SETD6: variants seen among roughly 807,000 people sequenced by gnomAD.
SETD6 encodes the protein SET domain containing 6, protein lysine methyltransferase.
SETD6 carries 67 observed loss-of-function variants against 52.7 expected under a neutral mutation model. The ratio of observed to expected loss-of-function variants is 1.27; its 90% CI spans 1.04 to 1.56. SETD6 has a LOEUF of 1.56. Among genes scored for constraint, SETD6 ranks in the 40% most tolerant of loss-of-function variants. The probability of loss-of-function intolerance (pLI) is 0.00; values close to 1 mark genes in which losing one functional copy is unlikely to be tolerated. For synonymous variants in SETD6, 307 were observed against 250.2 expected (o/e 1.23, Z -2.14); for missense variants, 712 against 607.5 (o/e 1.17, Z -1.81).
chr16:58,518,300 CT>C, intron 6 of SETD6, 69 bp downstream of exon 6: 3 of 1,603,958 alleles, frequency 1.9e-6, no homozygotes, highest in Non-Finnish European at 1.7e-6. Flanking sequence ...GGTTAAATAG[CT>C]TTGCTAAATA....
rs2039317285 is a variant in SETD6, at chr16:58,520,198, C to T, written c.*1169C>T. The T allele has an allele frequency of 6.6e-6, 1 of 151,930 alleles. No individual in the cohort carries two copies. The highest frequency in any genetic ancestry group is 2.4e-5 in the African/African-American group (1 of 41,304). 9.4% of individuals were successfully genotyped at this position (151,930 alleles called of 1,614,324 possible). Reference sequence around the variant, plus strand: ...TAATTAATGAGATTTGGTTCCCTTTCCTATATTCCCACTGTTTTTAAGTTT... The same window carrying T: ...TAATTAATGAGATTTGGTTCCCTTTTCTATATTCCCACTGTTTTTAAGTTT... On this transcript the variant is annotated 3_prime_UTR_variant, in exon 8 of 8. Coordinates refer to ENST00000219315, the MANE Select transcript of SETD6 (RefSeq NM_001160305.4).
chr16:58,518,024 G>T, intron 5 of SETD6, 27 bp from the exon 6 acceptor site: 1 of 1,613,958 alleles, frequency 6.2e-7, no homozygotes, highest in Non-Finnish European at 8.5e-7. Context: ...TGAAAGGCAT[G>T]GCCCCAGCTT....
Position 58,523,623 on chromosome 16 carries a change from C to A in SETD6, c.*4594C>A. 1 of 878,154 alleles carries A rather than the reference C, an allele frequency of 1.1e-6. No homozygotes were observed. The highest frequency in any genetic ancestry group is 2.2e-5 in the South Asian group (1 of 46,008). 54.4% of individuals were successfully genotyped at this position (878,154 alleles called of 1,614,324 possible). On this transcript the variant is annotated 3_prime_UTR_variant, in exon 8 of 8. Coordinates refer to ENST00000219315, the MANE Select transcript of SETD6 (RefSeq NM_001160305.4). ...TTTCAAATTAATCTTTGGTTTAAAG[C>A]AGTGGTTCTTGGGACCCCAAAGAGT...
rs1161241138 is a variant in SETD6 at position 58,521,139 on chromosome 16, C to G, written c.*2110C>G. On this transcript the variant is annotated 3_prime_UTR_variant, in exon 8 of 8. Transcript: ENST00000219315. ...AACCTAGAGACAGATGGTTTTCAGT[C>G]TCCAGTCTCATTCCTAGACAATTAA... 6.2e-7 allele frequency: 1 copy of G among 1,613,284 alleles called. No individual in the cohort carries two copies. Among genetic ancestry groups the G allele is most frequent in the Admixed American group, 1.7e-5 (1 of 59,904 alleles).
Position 58,520,142 on chromosome 16 carries a change from T to G in SETD6, c.*1113T>G, listed in dbSNP as rs1230113325. 6.6e-6 allele frequency: 1 copy of G among 152,202 alleles called. No individual in the cohort carries two copies. The highest frequency in any genetic ancestry group is 1.5e-5 in the Non-Finnish European group (1 of 68,038). 9.4% of individuals were successfully genotyped at this position (152,202 alleles called of 1,614,324 possible). The stretch of plus-strand genomic sequence containing the variant: ...TTATTCAGCTTAGCCTGTATGGCCA[T>G]TCATTCAGTGGGGTAATGGGGGAGA... On this transcript the variant is annotated 3_prime_UTR_variant, in exon 8 of 8. Transcript: ENST00000219315.
At position 58,516,278 on chromosome 16, in the gene SETD6, C is replaced by T. The variant is rs2039146265; in HGVS notation, c.411C>T (p.Ala137=). 1 of 1,603,334 alleles carries T rather than the reference C, an allele frequency of 6.2e-7. No homozygotes were observed. The highest frequency in any genetic ancestry group is 8.5e-7 in the Non-Finnish European group (1 of 1,179,838). ...LALLHELQAP[A]SRWRPYFALW... ...TGCTCCACGAGCTGCAGGCCCCGGC[C>T]TCACGCTGGAGGCCCTACTTTGCGC... The change falls in exon 3 of 8, where the codon GCC becomes GCT. Residue 137 remains alanine (A), a synonymous_variant. Transcript: ENST00000219315.
chr16:58,516,714 C>T (rs767521086), intron 4 of SETD6, 42 bp downstream of exon 4: 3 of 1,609,388 alleles, frequency 1.9e-6, no homozygotes, highest in Non-Finnish European at 2.5e-6. Context: ...CTTTTCTTTA[C>T]AACTCTATAG....
chr16:58,518,348 AGAAAT>A, intron 6 of SETD6, 48 bp from the exon 7 acceptor site: 1 of 1,588,646 alleles, frequency 6.3e-7, no homozygotes, highest in Non-Finnish European at 8.6e-7. Context: ...AGACTAAAGA[AGAAAT>A]GAACCCTTGG....
At position 58,515,847 on chromosome 16, in the gene SETD6, G is replaced by A; in HGVS notation, c.84G>A (p.Trp28Ter). 2.6e-6 allele frequency: 4 copies of A among 1,533,846 alleles called. No individual in the cohort carries two copies. In the South Asian group the frequency reaches 4.9e-5, roughly 19 times the overall value. The stretch of plus-strand genomic sequence containing the variant: ...ATCCTGTGGCCTGCTTCCTGAGCTG[G>A]TGCCGGCGGGTGGGGCTGGAGCTGA... ...DLDPVACFLS[W>*]CRRVGLELSP... The change falls in exon 2 of 8, where the codon TGG (tryptophan) becomes TGA (stop). Residue 28 changes from tryptophan (W) to a stop codon, truncating the protein, a stop_gained. Coordinates refer to ENST00000219315, the MANE Select transcript of SETD6 (RefSeq NM_001160305.4). LOFTEE classifies it high-confidence loss of function.
At chr16:58,516,395 G>A (rs2039152063) in intron 3 of SETD6, 52 bp downstream of exon 3, 2 of 1,495,562 alleles carry the variant, frequency 1.3e-6, no homozygotes, top group African/African-American at 4.1e-5. Context: ...CCTGCTGCAA[G>A]AAGTTTCCCC....
intron 5 of SETD6, 101 bp downstream of exon 5, chr16:58,517,029 C>A (rs754472423): frequency 6.5e-7 from 1 of 1,544,170 alleles, no homozygotes; most frequent in Non-Finnish European, 8.9e-7. Context: ...TAGGTGAAAT[C>A]AGCTCCTCCT....
In SETD6 at chr16:58,519,118, C is replaced by A. The variant is rs2039275893; in HGVS notation, c.*89C>A. ...GTTTGAAAAAGAGGAAAATTTGGAT[C>A]TTTCTTTTGCTTACTAAACACCAAG... On this transcript the variant is annotated 3_prime_UTR_variant, in exon 8 of 8. Coordinates refer to ENST00000219315, the MANE Select transcript of SETD6 (RefSeq NM_001160305.4). 7.7e-7 allele frequency: 1 copy of A among 1,302,018 alleles called. No homozygotes were observed. The highest frequency in any genetic ancestry group is 1.5e-5 in the African/African-American group (1 of 67,214). The allele number at this position is 1,302,018 out of a possible 1,614,324, so 80.7% of individuals were successfully genotyped here. A position where few individuals can be genotyped will look rare whatever the true frequency, so the allele number is the denominator to read the frequency against.
Position 58,520,681 on chromosome 16 carries a change from G to A in SETD6, c.*1652G>A, listed in dbSNP as rs576338533. ...GACACAGCTTGCACAAAGCCAAGAA[G>A]TTCCAGACAAAGGTTTTCTCTTTCA... On this transcript the variant is annotated 3_prime_UTR_variant, in exon 8 of 8. Coordinates refer to ENST00000219315, the MANE Select transcript of SETD6 (RefSeq NM_001160305.4). 2.2e-5 allele frequency: 10 copies of A among 447,748 alleles called. No individual in the cohort carries two copies. Among genetic ancestry groups the A allele is most frequent in the Admixed American group, 2.1e-4 (6 of 29,108 alleles). The allele number at this position is 447,748 out of a possible 1,614,324, so 27.7% of individuals were successfully genotyped here. A position where few individuals can be genotyped will look rare whatever the true frequency, so the allele number is the denominator to read the frequency against.
intron 5 of SETD6, 93 bp downstream of exon 5, chr16:58,517,021 G>A (rs2039187868): frequency 1.0e-5 from 16 of 1,574,368 alleles, no homozygotes; most frequent in African/African-American, 2.7e-5. Flanking sequence ...AAAATGAGTA[G>A]GTGAAATCAG....
Position 58,518,228 on chromosome 16 carries a change from C to T in SETD6, c.970C>T (p.Gln324Ter), listed in dbSNP as rs1026944939. The change falls in exon 6 of 8, where the codon CAG (glutamine) becomes TAG (stop). Residue 324 changes from glutamine to a stop codon, truncating the protein, a stop_gained. Transcript: ENST00000219315. LOFTEE classifies it high-confidence loss of function. ...GGTGACAGTTCGTGAGGCAGCATTA[C>T]AGGGTGAGTGTATCATTAACTCAAT... ...QMVTVREAALQGTKTEAERHL... is the reference protein window; with the variant it reads ...QMVTVREAAL 1 of 1,614,066 alleles carries T rather than the reference C, an allele frequency of 6.2e-7. No individual in the cohort carries two copies. The highest frequency in any genetic ancestry group is 1.3e-5 in the African/African-American group (1 of 74,930).
chr16:58,519,055 A>G lies in SETD6; in HGVS notation c.*26A>G, dbSNP rs3169293. 0.065 allele frequency: 102,547 copies of G among 1,575,170 alleles called. 3,802 individuals are homozygous for G. Among genetic ancestry groups the G allele is most frequent in the Middle Eastern group, 0.11 (614 of 5,840 alleles). Reference sequence around the variant, plus strand: ...CAGTTTCCCTGTTCCCTGAAGGAACAGCAATAAGAACTTTATTCTAAGCTA... The same window carrying G: ...CAGTTTCCCTGTTCCCTGAAGGAACGGCAATAAGAACTTTATTCTAAGCTA... On this transcript the variant is annotated 3_prime_UTR_variant, in exon 8 of 8. Coordinates refer to ENST00000219315, the MANE Select transcript of SETD6 (RefSeq NM_001160305.4).
Position 58,516,580 on chromosome 16 carries a change from G to A in SETD6, c.579G>A (p.Leu193=), listed in dbSNP as rs3743567. The A allele has an allele frequency of 0.11, 170,024 of 1,614,030 alleles. 9,778 individuals are homozygous for A. Among genetic ancestry groups the A allele is most frequent in the South Asian group, 0.2 (18,162 of 91,064 alleles). ...GCAGCGAGTACCAGTCCATCGTGCTGCCCTTCATGGAAGCCCACCCCGATC... is the reference window on the plus strand; with the variant it reads ...GCAGCGAGTACCAGTCCATCGTGCTACCCTTCATGGAAGCCCACCCCGATC... The part of the protein sequence containing the change: ...NIRSEYQSIV[L]PFMEAHPDLF... The change falls in exon 4 of 8, where the codon CTG becomes CTA. Residue 193 remains leucine, a synonymous_variant. Coordinates refer to ENST00000219315, the MANE Select transcript of SETD6 (RefSeq NM_001160305.4).
At chr16:58,517,931 GT>G in intron 5 of SETD6, 119 bp from the exon 6 acceptor site, 1 of 1,243,870 alleles carries the variant, frequency 8.0e-7, no homozygotes, top group Non-Finnish European at 1.1e-6. Flanking sequence ...TAGAACTTTG[GT>G]AGTTAACAGC....
chr16:58,523,730 A>G lies in SETD6; in HGVS notation c.*4701A>G, dbSNP rs959707792. On this transcript the variant is annotated 3_prime_UTR_variant, in exon 8 of 8. Transcript: ENST00000219315. ...AATATTCATTTTTAAAAACAGACCC[A>G]CTATGTGCTAATGTAAGAAACATGA... 16 of 393,820 alleles carry G rather than the reference A, an allele frequency of 4.1e-5. No homozygotes were observed. Among genetic ancestry groups the G allele is most frequent in the Non-Finnish European group, 6.4e-5 (14 of 217,142 alleles). The allele number at this position is 393,820 out of a possible 1,614,324, so 24.4% of individuals were successfully genotyped here.
Sources: allele counts gnomAD v4.1 joint callset, GRCh38; gene constraint gnomAD v4.1.1; transcripts MANE v1.5; gene names NCBI Gene and HGNC (gene_info 2026-07-23, HGNC 2026-07-21).